CDH11: variants seen among roughly 807,000 people sequenced by gnomAD.
The protein encoded by CDH11 is cadherin 11.
Under a neutral mutation model 67.8 loss-of-function variants are expected in CDH11, and 11 were observed. The ratio of observed to expected loss-of-function variants is 0.16; its 90% CI spans 0.10 to 0.27. CDH11 has a LOEUF of 0.27. Ranked by LOEUF, CDH11 falls within the 10% of genes least tolerant of loss-of-function variation. CDH11 has a pLI of 1.00. For synonymous variants in CDH11, 419 were observed against 400.0 expected, an observed-to-expected ratio of 1.05 and a Z score of -0.57; for missense variants, 847 against 1,031.2, an observed-to-expected ratio of 0.82 and a Z score of 2.45.
intron 1 of CDH11, among the ~76,000 whole-genome samples, chr16:65,072,558 G>C (rs1253987012): frequency 6.6e-6 from 1 of 152,014 alleles, no homozygotes; most frequent in Non-Finnish European, 1.5e-5. Flanking sequence ...TTTTTAAAAA[G>C]TAAATGACAT....
chr16:65,046,984 C>T (rs1299136797), intron 2 of CDH11, among the ~76,000 whole-genome samples: 2 of 152,098 alleles, frequency 1.3e-5, no homozygotes, highest in Non-Finnish European at 2.9e-5. Context: ...TGGCATATGC[C>T]TGTAGTCCCA....
chr16:65,000,472 A>T (rs2072891836), intron 3 of CDH11, among the ~76,000 whole-genome samples: 1 of 152,140 alleles, frequency 6.6e-6, no homozygotes, highest in East Asian at 1.9e-4. Context: ...CCCTTTGTAA[A>T]CTAGAGAGCT....
chr16:65,093,085 T>A (rs921383684), intron 1 of CDH11, among the ~76,000 whole-genome samples: 1 of 151,810 alleles, frequency 6.6e-6, no homozygotes, highest in Admixed American at 6.6e-5. Flanking sequence ...TACAGGCATG[T>A]GCCACCACAC....
chr16:64,953,065 T>C (rs912185734), intron 11 of CDH11, among the ~76,000 whole-genome samples: 2 of 152,240 alleles, frequency 1.3e-5, no homozygotes, highest in African/African-American at 2.4e-5. Context: ...CCCAATACCA[T>C]GTAACAGCCA....
chr16:65,064,796 C>G (rs1286331734), intron 1 of CDH11, among the ~76,000 whole-genome samples: 1 of 152,044 alleles, frequency 6.6e-6, no homozygotes, highest in Non-Finnish European at 1.5e-5. Flanking sequence ...TTTTAAATAG[C>G]AGAAAGTAGA....
intron 12 of CDH11, 101 bp from the exon 13 acceptor site, chr16:64,948,200 G>A (rs2071245751): frequency 2.1e-6 from 3 of 1,420,340 alleles, no homozygotes; most frequent in South Asian, 1.4e-5. Flanking sequence ...AGGTATAAAT[G>A]CTCAGAACAG....
At chr16:65,099,517 G>T (rs1011775438) in intron 1 of CDH11, among the ~76,000 whole-genome samples, 5 of 152,128 alleles carry the variant, frequency 3.3e-5, no homozygotes, top group Non-Finnish European at 7.4e-5. Flanking sequence ...GTGGCAGAAA[G>T]ATCATTCTCT....
At chr16:65,077,524 G>A (rs561866615) in intron 1 of CDH11, among the ~76,000 whole-genome samples, 1 of 152,284 alleles carries the variant, frequency 6.6e-6, no homozygotes, top group South Asian at 2.1e-4. Flanking sequence ...AAAATGCAAT[G>A]GAAACTGAGA....
In CDH11 at chr16:65,107,653, T is replaced by G. The variant is rs568915414; in HGVS notation, c.-298+14227A>C. Among the ~76,000 whole-genome samples the G allele has an allele frequency of 7.2e-4, 110 of 152,326 alleles. No homozygotes were observed. The South Asian group carries it at 9.1e-3, about 13-fold the overall frequency. On this transcript the variant is annotated intron_variant, in intron 1 of 12. Coordinates refer to ENST00000268603, the MANE Select transcript of CDH11 (RefSeq NM_001797.4). ...GTATTGAAAGTATCCCATAAAGGGT[T>G]TCAGAATGATGTCTCACTATCACCC...
chr16:64,986,473 T>C (rs1265749690), intron 7 of CDH11: 1 of 151,918 alleles, frequency 6.6e-6, no homozygotes, highest in Non-Finnish European at 1.5e-5. Flanking sequence ...TAAAAACAGG[T>C]GACAACCTTA....
intron 3 of CDH11, 67 bp from the exon 4 acceptor site, chr16:64,998,923 T>G: frequency 7.6e-7 from 1 of 1,311,004 alleles, no homozygotes; most frequent in Non-Finnish European, 1.1e-6. Context: ...CACTTACAAG[T>G]GATTGCAACA....
chr16:65,106,203 T>C (rs541809340), intron 1 of CDH11, among the ~76,000 whole-genome samples: 2 of 152,210 alleles, frequency 1.3e-5, no homozygotes, highest in African/African-American at 2.4e-5. Flanking sequence ...AGGGAGGTAA[T>C]GTTCCATTCT....
At chr16:64,969,717 T>G (rs1047069004) in intron 11 of CDH11, among the ~76,000 whole-genome samples, 3 of 151,496 alleles carry the variant, frequency 2.0e-5, no homozygotes, top group Admixed American at 6.6e-5. Flanking sequence ...AATACAGATG[T>G]ATACGTATCT....
At chr16:65,006,355 T>C (rs1167167405) in intron 2 of CDH11, among the ~76,000 whole-genome samples, 2 of 152,214 alleles carry the variant, frequency 1.3e-5, no homozygotes. Context: ...TTTTGTTGTC[T>C]TCTTTGGGTG....
intron 2 of CDH11, among the ~76,000 whole-genome samples, chr16:65,015,676 A>G (rs2073291140): frequency 6.6e-6 from 1 of 152,210 alleles, no homozygotes; most frequent in African/African-American, 2.4e-5. Context: ...AGAGCTCTTT[A>G]AAGATTTGCA....
chr16:65,028,994 T>A (rs1162243202), intron 2 of CDH11, among the ~76,000 whole-genome samples: 1 of 152,184 alleles, frequency 6.6e-6, no homozygotes, highest in Admixed American at 6.5e-5. Context: ...ACAAGATGGA[T>A]ATGTTCTAGA....
intron 11 of CDH11, among the ~76,000 whole-genome samples, chr16:64,964,495 T>G (rs2071756128): frequency 6.6e-6 from 1 of 152,166 alleles, no homozygotes. Context: ...AGTGAGTGAA[T>G]GTGAAGGCCT....
chr16:64,980,367 G>A (rs2072300757), intron 8 of CDH11, among the ~76,000 whole-genome samples: 2 of 152,224 alleles, frequency 1.3e-5, no homozygotes, highest in African/African-American at 4.8e-5. Context: ...CTATCCTCTA[G>A]TGAGGACCTC....
intron 1 of CDH11, among the ~76,000 whole-genome samples, chr16:65,079,785 G>A (rs2074578457): frequency 6.6e-6 from 1 of 152,104 alleles, no homozygotes; most frequent in Non-Finnish European, 1.5e-5. Flanking sequence ...TTGCTTTCTT[G>A]TCTAACCGGG....
Sources: gnomAD v4.1 joint callset for allele counts (sites outside exome capture counted in the v4.1 genomes callset) on GRCh38, gnomAD v4.1.1 for gene constraint, MANE v1.5 for transcripts, NCBI Gene and HGNC (gene_info 2026-07-23, HGNC 2026-07-21) for gene names.